TAPT1: variants seen among roughly 807,000 people sequenced by gnomAD.
The protein encoded by TAPT1 is transmembrane anterior posterior transformation 1, also known as transmembrane anterior posterior transformation protein 1 homolog.
A neutral mutation model predicts 65.6 loss-of-function variants in TAPT1; 28 were observed. The ratio of observed to expected loss-of-function variants is 0.43; its 90% CI spans 0.32 to 0.59. The LOEUF (loss-of-function observed/expected upper bound fraction) is 0.59, where lower values mean the gene tolerates loss of function less well. Ranked by LOEUF, TAPT1 falls within the 20% of genes least tolerant of loss-of-function variation. The pLI, the probability that TAPT1 is intolerant of heterozygous loss-of-function variation, is 0.09. For synonymous variants in TAPT1, 278 were observed against 245.2 expected, an observed-to-expected ratio of 1.13 and a Z score of -1.25; for missense variants, 563 against 679.9, an observed-to-expected ratio of 0.83 and a Z score of 1.91.
chr4:16,187,626 T>C (rs1309051139), intron 5 of TAPT1, among the ~76,000 whole-genome samples: 2 of 152,120 alleles, frequency 1.3e-5, no homozygotes, highest in Non-Finnish European at 2.9e-5. Flanking sequence ...TGACTCATTC[T>C]TGTGAATGAG....
At chr4:16,213,956 C>T (rs1750787725) in intron 1 of TAPT1, 58 bp from the exon 2 acceptor site, 15 of 1,485,914 alleles carry the variant, frequency 1.0e-5, no homozygotes, top group Non-Finnish European at 8.1e-6. Flanking sequence ...GGAACTTCCA[C>T]GCTAGCTGGG....
intron 3 of TAPT1, among the ~76,000 whole-genome samples, chr4:16,195,338 A>T (rs1031111604): frequency 6.6e-6 from 1 of 152,246 alleles, no homozygotes; most frequent in African/African-American, 2.4e-5. Flanking sequence ...TTCATGCTAC[A>T]GTTCTTATAA....
chr4:16,194,888 C>G (rs921772354), intron 3 of TAPT1, among the ~76,000 whole-genome samples: 1 of 103,140 alleles, frequency 9.7e-6, no homozygotes, highest in Non-Finnish European at 2.3e-5. Flanking sequence ...TCTTCTTCTT[C>G]TTCTTCTTAT....
intron 4 of TAPT1, among the ~76,000 whole-genome samples, chr4:16,188,987 T>G (rs1749190509): frequency 6.6e-6 from 1 of 152,150 alleles, no homozygotes; most frequent in African/African-American, 2.4e-5. Flanking sequence ...CACTTTAAAT[T>G]CAAACTCAGG....
chr4:16,217,364 CAGTG>C (rs1750999101), intron 1 of TAPT1, among the ~76,000 whole-genome samples: 1 of 152,040 alleles, frequency 6.6e-6, no homozygotes, highest in Non-Finnish European at 1.5e-5. Flanking sequence ...CAGAATCAGA[CAGTG>C]AGAAGCTAAA....
At chr4:16,224,159 T>C (rs1384830906) in intron 1 of TAPT1, among the ~76,000 whole-genome samples, 1 of 152,078 alleles carries the variant, frequency 6.6e-6, no homozygotes, top group Non-Finnish European at 1.5e-5. Context: ...CAGGGAGAAA[T>C]GCTATCCAAA....
intron 8 of TAPT1, among the ~76,000 whole-genome samples, chr4:16,178,291 T>A (rs184794527): frequency 1.3e-5 from 2 of 152,316 alleles, no homozygotes; most frequent in East Asian, 3.9e-4. Flanking sequence ...TCTTATGGTT[T>A]CTCTATGAAA....
In TAPT1 at chr4:16,186,817, G is replaced by T. The variant is rs1319494954; in HGVS notation, c.810C>A (p.His270Gln). The T allele has an allele frequency of 6.2e-7, 1 of 1,610,828 alleles. No individual in the cohort carries two copies. Among genetic ancestry groups the T allele is most frequent in the Non-Finnish European group, 8.5e-7 (1 of 1,177,498 alleles). Residue 270 changes from histidine to glutamine, a missense_variant, in exon 6 of 14, where the codon CAC (histidine) becomes CAA (glutamine). By Grantham distance (24) the His-to-Gln change is conservative. Coordinates refer to ENST00000405303, the MANE Select transcript of TAPT1 (RefSeq NM_153365.3). Reference protein sequence around the residue: ...ATTLNVAFNSHNKSLLTIMMS... With the variant: ...ATTLNVAFNSQNKSLLTIMMS... ...TCATGATAGTAAGCAAAGACTTGTT[G>T]TGTGAGTTAAAAGCTACATTGAGAG...
chr4:16,180,421 C>T (rs1748645257), intron 7 of TAPT1, among the ~76,000 whole-genome samples: 5 of 152,092 alleles, frequency 3.3e-5, no homozygotes, highest in Admixed American at 2.6e-4. Context: ...GTATGTGTGC[C>T]GATGCAATAG....
intron 9 of TAPT1, 144 bp downstream of exon 9, chr4:16,175,974 AC>A: frequency 3.6e-6 from 2 of 548,250 alleles, no homozygotes; most frequent in Non-Finnish European, 6.4e-6. Flanking sequence ...AAAACAGAAT[AC>A]TTTCAATAGT....
intron 2 of TAPT1, among the ~76,000 whole-genome samples, chr4:16,206,690 T>C (rs1750365157): frequency 6.6e-6 from 1 of 152,030 alleles, no homozygotes; most frequent in South Asian, 2.1e-4. Flanking sequence ...TCAGTGTGAA[T>C]GATCACAGCA....
Position 16,226,332 on chromosome 4 carries a change from C to G in TAPT1, c.126G>C (p.Pro42=), listed in dbSNP as rs1213904095. 1.1e-5 allele frequency: 12 copies of G among 1,119,834 alleles called. No homozygotes were observed. Among genetic ancestry groups the G allele is most frequent in the Admixed American group, 5.0e-5 (1 of 20,020 alleles). 69.4% of individuals were successfully genotyped at this position (1,119,834 alleles called of 1,614,324 possible). Residue 42 remains proline, a synonymous_variant, in exon 1 of 14, where the codon CCG becomes CCC. Transcript: ENST00000405303. The stretch of plus-strand genomic sequence containing the variant: ...CCAGCGTCTCTGTGAGCTGAGGCGC[C>G]GGCGGGGGCCCCTGTCCGCCGCTGC... ...PGGSGGQGPP[P]APQLTETLGF...
intron 4 of TAPT1, chr4:16,191,098 G>C (rs1749346536): frequency 3.0e-6 from 1 of 332,388 alleles, no homozygotes; most frequent in South Asian, 9.7e-5. Flanking sequence ...TGCCATGCCT[G>C]CAGGCTTGCC....
chr4:16,210,862 T>G (rs531994367), intron 2 of TAPT1, among the ~76,000 whole-genome samples: 2 of 152,076 alleles, frequency 1.3e-5, no homozygotes, highest in African/African-American at 4.8e-5. Context: ...AGAAGAAATG[T>G]CTCTCAAAAG....
At chr4:16,207,448 C>T (rs1578469394) in intron 2 of TAPT1, among the ~76,000 whole-genome samples, 1 of 152,192 alleles carries the variant, frequency 6.6e-6, no homozygotes, top group Non-Finnish European at 1.5e-5. Context: ...TAAATGTTAA[C>T]CCCACCACGA....
intron 7 of TAPT1, 149 bp from the exon 8 acceptor site, chr4:16,179,806 G>GTGTATATATATATATATATATA: frequency 4.0e-6 from 1 of 247,034 alleles, no homozygotes; most frequent in African/African-American, 3.2e-5. Context: ...ATATATATGT[G>GTGTATATATATATATATATATA]TGTGTGTGTG....
intron 7 of TAPT1, among the ~76,000 whole-genome samples, chr4:16,180,546 A>G (rs773549853): frequency 6.6e-6 from 1 of 152,114 alleles, no homozygotes; most frequent in African/African-American, 2.4e-5. Flanking sequence ...AGCCTCACCC[A>G]TATCATTCAG....
chr4:16,200,573 A>T (rs1219906695), intron 3 of TAPT1, among the ~76,000 whole-genome samples: 1 of 152,042 alleles, frequency 6.6e-6, no homozygotes, highest in African/African-American at 2.4e-5. Context: ...CGATCCTCCT[A>T]CCTTGGCCTC....
chr4:16,214,812 T>C (rs1750840435), intron 1 of TAPT1, among the ~76,000 whole-genome samples: 1 of 152,202 alleles, frequency 6.6e-6, no homozygotes, highest in African/African-American at 2.4e-5. Flanking sequence ...TTTCCAACTG[T>C]CCACTGTTCT....
Sources: allele counts gnomAD v4.1 joint callset (sites outside exome capture counted in the v4.1 genomes callset), GRCh38; gene constraint gnomAD v4.1.1; transcripts MANE v1.5; gene names NCBI Gene and HGNC (gene_info 2026-07-23, HGNC 2026-07-21).